Variants in FBLN7 observed in about 807,000 individuals in gnomAD.
FBLN7 encodes the protein fibulin 7, also known as fibulin-7.
A neutral mutation model predicts 44.0 loss-of-function variants in FBLN7; 31 were observed. The ratio of observed to expected loss-of-function variants is 0.70; its 90% CI spans 0.53 to 0.95. FBLN7 has a LOEUF of 0.95. Ranked by LOEUF, FBLN7 falls within the 40% of genes least tolerant of loss-of-function variation. The pLI is 0.00. For missense variants in FBLN7, 573 were observed against 618.5 expected, an observed-to-expected ratio of 0.93 and a Z score of 0.78; for synonymous variants, 262 against 253.4, an observed-to-expected ratio of 1.03 and a Z score of -0.32.
intron 1 of FBLN7, among the ~76,000 whole-genome samples, chr2:112,155,485 C>G (rs184907425): frequency 2.0e-5 from 3 of 152,242 alleles, no homozygotes; most frequent in Non-Finnish European, 4.4e-5. Context: ...CCTTGTACCA[C>G]GCTCTGTTTC....
chr2:112,238,374 G>T, the FBLN7 span: 97 of 1,613,504 alleles, frequency 6.0e-5, no homozygotes, highest in East Asian at 2.2e-5. Context: ...AGCAGCATTT[G>T]CCATTTCTCT....
intron 7 of FBLN7, among the ~76,000 whole-genome samples, chr2:112,186,475 A>G (rs963120254): frequency 2.6e-5 from 4 of 152,102 alleles, no homozygotes; most frequent in African/African-American, 7.2e-5. Flanking sequence ...CCCCGTCTCT[A>G]CTAAAAATAC....
intron 3 of FBLN7, among the ~76,000 whole-genome samples, chr2:112,167,869 C>CGTTATGTTATTTATGTTAT (rs1682242603): frequency 7.5e-6 from 1 of 132,826 alleles, no homozygotes; most frequent in African/African-American, 2.9e-5. Context: ...AGGAAAGACA[C>CGTTATGTTATTTATGTTAT]GTTATGTTAT....
At chr2:112,202,855 A>C in the FBLN7 span, among the ~76,000 whole-genome samples, 56 of 152,210 alleles carry the variant, frequency 3.7e-4, no homozygotes, top group South Asian at 0.011. Context: ...TCCACCCCCC[A>C]CTAAAATTCA....
chr2:112,221,893 A>G, the FBLN7 span, among the ~76,000 whole-genome samples: 2 of 152,140 alleles, frequency 1.3e-5, no homozygotes, highest in African/African-American at 2.4e-5. Flanking sequence ...GTTAATAACC[A>G]TTGCTAGGGA....
intron 6 of FBLN7, 78 bp downstream of exon 6, chr2:112,183,006 G>A: frequency 6.4e-7 from 1 of 1,558,474 alleles, no homozygotes; most frequent in East Asian, 2.3e-5. Context: ...ACAGTCGGGA[G>A]TGAGGTGGTT....
At chr2:112,227,811 A>G in the FBLN7 span, among the ~76,000 whole-genome samples, 1 of 151,346 alleles carries the variant, frequency 6.6e-6, no homozygotes, top group African/African-American at 2.4e-5. Flanking sequence ...ACTGAGAGAA[A>G]CTGAAGATCT....
intron 3 of FBLN7, among the ~76,000 whole-genome samples, chr2:112,175,292 T>C (rs1682681721): frequency 6.6e-6 from 1 of 152,266 alleles, no homozygotes; most frequent in Admixed American, 6.5e-5. Context: ...TGCTGGCTGA[T>C]GGAGCAGAAG....
chr2:112,160,011 G>A (rs112512379), intron 2 of FBLN7, among the ~76,000 whole-genome samples, 176 bp downstream of exon 2: 16 of 150,810 alleles, frequency 1.1e-4, no homozygotes, highest in African/African-American at 3.7e-4. Context: ...ATTTTTTTGA[G>A]ACGGAGTCTC....
At chr2:112,191,539 C>A (rs561555160), downstream of FBLN7, among the ~76,000 whole-genome samples, 4 of 152,206 alleles carry the variant, frequency 2.6e-5, no homozygotes, top group South Asian at 6.2e-4. Flanking sequence ...ATTCTGAAAA[C>A]CTCCTTCTAA....
the FBLN7 span, among the ~76,000 whole-genome samples, chr2:112,223,128 GGGATAGCATTA>G: frequency 2.0e-5 from 3 of 151,942 alleles, no homozygotes; most frequent in East Asian, 5.8e-4. Flanking sequence ...GGAGTGGGGA[GGGATAGCATTA>G]GGAGATATAC....
the FBLN7 span, among the ~76,000 whole-genome samples, chr2:112,207,575 G>C: frequency 6.6e-6 from 1 of 151,484 alleles, no homozygotes; most frequent in East Asian, 1.9e-4. Context: ...CTATATATTT[G>C]TTCCGTCTAT....
At chr2:112,182,505 C>A (rs1458816813) in intron 5 of FBLN7, among the ~76,000 whole-genome samples, 1 of 152,208 alleles carries the variant, frequency 6.6e-6, no homozygotes, top group Admixed American at 6.5e-5. Context: ...AGGGTCTCCC[C>A]AGGTGTCTTC....
At chr2:112,241,298 A>T in the FBLN7 span, among the ~76,000 whole-genome samples, 1 of 152,180 alleles carries the variant, frequency 6.6e-6, no homozygotes, top group Admixed American at 6.5e-5. Context: ...AATGTCTGGT[A>T]AAAGCTAAGA....
chr2:112,231,905 T>C, the FBLN7 span: 1 of 1,588,894 alleles, frequency 6.3e-7, no homozygotes. Flanking sequence ...TTCTCCCTGA[T>C]AACATTTTGT....
At chr2:112,240,889 T>C in the FBLN7 span, among the ~76,000 whole-genome samples, 1 of 152,050 alleles carries the variant, frequency 6.6e-6, no homozygotes, top group African/African-American at 2.4e-5. Flanking sequence ...ACTTTTTTTA[T>C]TCAAGATGGT....
chr2:112,196,374 C>CTTTTTTTTTTTTTTT, the FBLN7 span, among the ~76,000 whole-genome samples: 1 of 63,258 alleles, frequency 1.6e-5, no homozygotes, highest in Non-Finnish European at 2.8e-5. Context: ...TCTTCTTCTT[C>CTTTTTTTTTTTTTTT]TTTTTTTTTT....
rs1400062108 is a variant in FBLN7, at chr2:112,140,092, G to A, written c.75+1362G>A. Among the ~76,000 whole-genome samples, 8 of 94,652 alleles carry A rather than the reference G, an allele frequency of 8.5e-5. No homozygotes were observed. The Admixed American group carries it at 9.3e-4, about 11-fold the overall frequency. 62.1% of individuals were successfully genotyped at this position (94,652 alleles called of 152,430 possible). A position where few individuals can be genotyped will look rare whatever the true frequency, so the allele number is the denominator to read the frequency against. On this transcript the variant is annotated intron_variant, in intron 1 of 7. Transcript: ENST00000331203. ...CAGCGTCCCTCCCGCCTCTCTCCACGCCAGCGTCCCTCCCGCCTCTCTCCA... is the reference window on the plus strand; with the variant it reads ...CAGCGTCCCTCCCGCCTCTCTCCACACCAGCGTCCCTCCCGCCTCTCTCCA...
chr2:112,239,977 A>C, the FBLN7 span, among the ~76,000 whole-genome samples: 1 of 152,230 alleles, frequency 6.6e-6, no homozygotes, highest in East Asian at 1.9e-4. Flanking sequence ...TCCCTGCTTA[A>C]AGAATCCAAA....
Sources: allele counts gnomAD v4.1 joint callset (sites outside exome capture counted in the v4.1 genomes callset), GRCh38; gene constraint gnomAD v4.1.1; transcripts MANE v1.5; gene names NCBI Gene and HGNC (gene_info 2026-07-23, HGNC 2026-07-21).